Variants in TSPAN18 observed in about 807,000 individuals in gnomAD.
TSPAN18 encodes the protein tetraspanin 18, also known as tetraspanin-18.
A neutral mutation model predicts 27.3 loss-of-function variants in TSPAN18; 14 were observed. The ratio of observed to expected loss-of-function variants is 0.51; its 90% confidence interval spans 0.34 to 0.80. The LOEUF (loss-of-function observed/expected upper bound fraction) is 0.80. Among genes scored for constraint, TSPAN18 ranks in the 30% least tolerant of loss-of-function variants. The pLI is 0.01. For missense variants in TSPAN18, 268 were observed against 323.9 expected (o/e 0.83, Z 1.32); for synonymous variants, 143 against 136.5 (o/e 1.05, Z -0.33).
intron 9 of TSPAN18, 125 bp downstream of exon 9, chr11:44,926,882 G>T (rs749612730): frequency 1.6e-5 from 15 of 917,486 alleles, no homozygotes; most frequent in Non-Finnish European, 2.2e-5. Context: ...CCCCACTGTG[G>T]GTGCTATGGG....
chr11:44,819,277 T>G (rs1290583764), intron 2 of TSPAN18, among the ~76,000 whole-genome samples: 1 of 152,084 alleles, frequency 6.6e-6, no homozygotes. Flanking sequence ...AGCTGCTGAG[T>G]GCTAATGAGA....
intron 1 of TSPAN18, among the ~76,000 whole-genome samples, chr11:44,730,764 C>T (rs1415597318): frequency 1.3e-5 from 2 of 152,052 alleles, no homozygotes; most frequent in South Asian, 4.1e-4. Flanking sequence ...GCTGGGATTA[C>T]AGGTGTGTGC....
At chr11:44,728,062 C>T (rs1448666960) in intron 1 of TSPAN18, among the ~76,000 whole-genome samples, 1 of 152,238 alleles carries the variant, frequency 6.6e-6, no homozygotes, top group African/African-American at 2.4e-5. Context: ...GTTCTGGCTC[C>T]TGCGAGGCAA....
intron 5 of TSPAN18, among the ~76,000 whole-genome samples, chr11:44,916,359 T>TGAAGGTATTGTCAGCAGCCC (rs1265572089): frequency 6.6e-6 from 1 of 152,054 alleles, no homozygotes; most frequent in African/African-American, 2.4e-5. Context: ...GAGAGACGCC[T>TGAAGGTATTGTCAGCAGCCC]GAAGGTATTG....
intron 2 of TSPAN18, among the ~76,000 whole-genome samples, chr11:44,790,430 T>C (rs1222722067): frequency 1.3e-5 from 2 of 151,036 alleles, no homozygotes; most frequent in Admixed American, 1.3e-4. Context: ...TGTGCATGTG[T>C]GTGTACATGT....
At chr11:44,845,187 C>T (rs1277957502) in intron 2 of TSPAN18, among the ~76,000 whole-genome samples, 2 of 152,178 alleles carry the variant, frequency 1.3e-5, no homozygotes, top group Non-Finnish European at 2.9e-5. Flanking sequence ...TTTAGTCCTG[C>T]ATTTGGGCAT....
intron 8 of TSPAN18, among the ~76,000 whole-genome samples, chr11:44,921,794 A>G (rs1379450071): frequency 6.6e-6 from 1 of 152,172 alleles, no homozygotes; most frequent in Admixed American, 6.5e-5. Flanking sequence ...GCTACTTGTA[A>G]GTTTTCAGGA....
chr11:44,759,537 T>G (rs1004666514), intron 1 of TSPAN18, among the ~76,000 whole-genome samples: 5 of 152,210 alleles, frequency 3.3e-5, no homozygotes, highest in African/African-American at 1.2e-4. Flanking sequence ...ATTTAACTCA[T>G]TGTTTTATAG....
chr11:44,856,818 C>A (rs927203778), intron 2 of TSPAN18, among the ~76,000 whole-genome samples: 10 of 152,250 alleles, frequency 6.6e-5, no homozygotes, highest in Admixed American at 3.9e-4. Flanking sequence ...TACCTACTTT[C>A]AACAGCTCTT....
intron 2 of TSPAN18, among the ~76,000 whole-genome samples, chr11:44,789,139 A>G (rs1856131608): frequency 6.6e-6 from 1 of 152,210 alleles, no homozygotes; most frequent in African/African-American, 2.4e-5. Flanking sequence ...ACCCAGGGAG[A>G]GAGTGTTGCA....
chr11:44,740,560 T>A (rs1054531074), intron 1 of TSPAN18, among the ~76,000 whole-genome samples: 1 of 152,124 alleles, frequency 6.6e-6, no homozygotes, highest in African/African-American at 2.4e-5. Flanking sequence ...GGGGACGTAG[T>A]GGCCGAGCTC....
At chr11:44,777,354 G>A (rs1366240817) in intron 2 of TSPAN18, among the ~76,000 whole-genome samples, 1 of 152,150 alleles carries the variant, frequency 6.6e-6, no homozygotes, top group Non-Finnish European at 1.5e-5. Flanking sequence ...CACCTCATCT[G>A]GCCTCTGGGC....
chr11:44,888,494 G>A (rs1387185976), intron 3 of TSPAN18, among the ~76,000 whole-genome samples: 1 of 152,138 alleles, frequency 6.6e-6, no homozygotes, highest in Non-Finnish European at 1.5e-5. Context: ...GGACTCAGAG[G>A]AAGTGGGAGA....
intron 6 of TSPAN18, 111 bp from the exon 7 acceptor site, chr11:44,919,103 G>A: frequency 1.2e-6 from 1 of 842,658 alleles, no homozygotes; most frequent in Non-Finnish European, 2.0e-6. Flanking sequence ...AGGATGCAGA[G>A]CCCCTAGCTC....
chr11:44,759,721 C>T (rs1433677777), intron 1 of TSPAN18, among the ~76,000 whole-genome samples: 1 of 152,214 alleles, frequency 6.6e-6, no homozygotes, highest in Non-Finnish European at 1.5e-5. Flanking sequence ...TAGCAACTGT[C>T]TATCCATCCA....
intron 2 of TSPAN18, among the ~76,000 whole-genome samples, chr11:44,851,564 C>G (rs1857600993): frequency 6.6e-6 from 1 of 151,568 alleles, no homozygotes; most frequent in South Asian, 2.1e-4. Context: ...CCCTGTTGCC[C>G]CTGCCATGAA....
intron 2 of TSPAN18, among the ~76,000 whole-genome samples, chr11:44,841,160 C>T (rs889134194): frequency 2.0e-5 from 3 of 152,146 alleles, no homozygotes. Context: ...TGGCTGCCTA[C>T]ATGGAGCTTA....
At position 44,926,662 on chromosome 11, in the gene TSPAN18, C is replaced by G; in HGVS notation, c.616-12C>G. The G allele has an allele frequency of 3.7e-6, 6 of 1,613,678 alleles. No homozygotes were observed. The highest frequency in any genetic ancestry group is 5.1e-6 in the Non-Finnish European group (6 of 1,179,602). On this transcript the variant is annotated splice_polypyrimidine_tract_variant and intron_variant, in intron 8 of 9. Coordinates refer to ENST00000520358, the MANE Select transcript of TSPAN18 (RefSeq NM_130783.5). ...CCTGGCCATAGCTTGACCTCTCATC[C>G]CTCCCTCCCAGGGCTGTTACACGGT...
At chr11:44,898,569 G>C (rs1590652406) in intron 3 of TSPAN18, among the ~76,000 whole-genome samples, 1 of 152,376 alleles carries the variant, frequency 6.6e-6, no homozygotes, top group East Asian at 1.9e-4. Flanking sequence ...TTACAGTTCT[G>C]GAGGCTGGGA....
Sources: allele counts gnomAD v4.1 joint callset (sites outside exome capture counted in the v4.1 genomes callset), GRCh38; gene constraint gnomAD v4.1.1; transcripts MANE v1.5; gene names NCBI Gene and HGNC (gene_info 2026-07-23, HGNC 2026-07-21).